The following TAC1 variants were observed in gnomAD, a reference collection of about 807,000 sequenced individuals.
The protein encoded by TAC1 is protachykinin-1.
A neutral mutation model predicts 21.7 loss-of-function variants in TAC1; 12 were observed. The ratio of observed to expected loss-of-function variants is 0.55; its 90% CI spans 0.35 to 0.89. TAC1 has a LOEUF of 0.89. Ranked by LOEUF, TAC1 falls within the 40% of genes least tolerant of loss-of-function variation. The pLI, the probability that TAC1 is intolerant of heterozygous loss-of-function variation, is 0.01. For synonymous variants in TAC1, 52 were observed against 52.0 expected (o/e 1.00, Z 0.00); for missense variants, 128 against 151.4 (o/e 0.85, Z 0.81).
chr7:97,739,600 T>A (rs2115851491), intron 6 of TAC1, among the ~76,000 whole-genome samples: 1 of 152,068 alleles, frequency 6.6e-6, no homozygotes, highest in Middle Eastern at 3.4e-3. Context: ...CTGCTGAGAA[T>A]CAACACTGCA....
chr7:97,732,510 G>A lies in TAC1; in HGVS notation c.-9-94G>A, dbSNP rs1257459137. The A allele has an allele frequency of 1.0e-5, 15 of 1,457,480 alleles. No homozygotes were observed. Among genetic ancestry groups the A allele is most frequent in the African/African-American group, 2.8e-5 (2 of 71,464 alleles). 90.3% of individuals were successfully genotyped at this position (1,457,480 alleles called of 1,614,324 possible). ...TTTGATCTTGGTTCATCCGTTGTGGGGCAGAAAATTCTGTTGCTTTAACTC... is the reference window on the plus strand; with the variant it reads ...TTTGATCTTGGTTCATCCGTTGTGGAGCAGAAAATTCTGTTGCTTTAACTC... On this transcript the variant is annotated intron_variant, in intron 1 of 6. Transcript: ENST00000319273. The surrounding 1 kb of genome is among the most constrained non-coding windows in gnomAD (Gnocchi z 6.2).
In TAC1 at chr7:97,740,116, C is replaced by T. The variant is rs113735261; in HGVS notation, c.*196C>T. The T allele has an allele frequency of 7.3e-3, 2,907 of 396,756 alleles. 21 individuals are homozygous for T. Among genetic ancestry groups the T allele is most frequent in the Non-Finnish European group, 0.011 (2,508 of 222,568 alleles). 24.6% of individuals were successfully genotyped at this position (396,756 alleles called of 1,614,324 possible). A position where few individuals can be genotyped will look rare whatever the true frequency, so the allele number is the denominator to read the frequency against. On this transcript the variant is annotated 3_prime_UTR_variant, in exon 7 of 7. Coordinates refer to ENST00000319273, the MANE Select transcript of TAC1 (RefSeq NM_003182.3). ...GTTTTAATTCCAATATGATGACTCC[C>T]TTAAAATAGAAATAAGTGGTTATTT... is the stretch of plus-strand genomic sequence containing the variant.
chr7:97,734,965 G>T, intron 5 of TAC1, 116 bp downstream of exon 5: 1 of 774,812 alleles, frequency 1.3e-6, no homozygotes, highest in Non-Finnish European at 2.1e-6. Flanking sequence ...TATGTTTAAT[G>T]AAGACAATAT....
chr7:97,733,866 C>G lies in TAC1; in HGVS notation c.220+47C>G, dbSNP rs199513408. 3 of 1,557,596 alleles carry G rather than the reference C, an allele frequency of 1.9e-6. No individual in the cohort carries two copies. In the East Asian group the frequency reaches 6.7e-5, roughly 35 times the overall value. On this transcript the variant is annotated intron_variant, in intron 3 of 6. Transcript: ENST00000319273. ...AGGTGTCTTGGGCAGCCCGCCCTGT[C>G]TGCTCACTCCTTCCTGGAGTACCCC...
At position 97,740,079 on chromosome 7, in the gene TAC1, T is replaced by C. The variant is rs12532490; in HGVS notation, c.*159T>C. The C allele has an allele frequency of 0.19, 97,840 of 507,912 alleles. 9,738 individuals are homozygous for C. Among genetic ancestry groups the C allele is most frequent in the East Asian group, 0.25 (7,775 of 31,272 alleles). 31.5% of individuals were successfully genotyped at this position (507,912 alleles called of 1,614,324 possible). On this transcript the variant is annotated 3_prime_UTR_variant, in exon 7 of 7. Coordinates refer to ENST00000319273, the MANE Select transcript of TAC1 (RefSeq NM_003182.3). ...ATTTTTCATATTGTGCCAATATGTA[T>C]TGTAAACATGTGTTTTAATTCCAAT...
chr7:97,734,742 G>A, intron 4 of TAC1, 84 bp from the exon 5 acceptor site: 1 of 1,035,762 alleles, frequency 9.7e-7, no homozygotes, highest in South Asian at 1.5e-5. Context: ...CATATTTTGA[G>A]AATCAAATTA....
intron 6 of TAC1, among the ~76,000 whole-genome samples, chr7:97,738,747 T>C (rs1237169098): frequency 1.3e-5 from 2 of 151,994 alleles, no homozygotes; most frequent in African/African-American, 4.8e-5. Flanking sequence ...ATCTTCTCAC[T>C]GAGGAAACTG....
Position 97,735,593 on chromosome 7 carries a change from C to T in TAC1, c.290-706C>T, listed in dbSNP as rs1439827372. ...TGGGTGGCAGAGCAGGCCACATTAA[C>T]GTAGCAGCTCTATTCTCAACTATTA... On this transcript the variant is annotated intron_variant, in intron 5 of 6. Transcript: ENST00000319273. 4.6e-5 allele frequency among the ~76,000 whole-genome samples: 7 copies of T among 152,270 alleles called. No homozygotes were observed. In the East Asian group the frequency reaches 5.8e-4, roughly 13 times the overall value.
At chr7:97,739,565 G>C (rs1263116454) in intron 6 of TAC1, among the ~76,000 whole-genome samples, 1 of 151,968 alleles carries the variant, frequency 6.6e-6, no homozygotes, top group African/African-American at 2.4e-5. Context: ...AATTCACTAT[G>C]GGTATCTGCC....
chr7:97,734,407 G>A, intron 4 of TAC1, 115 bp downstream of exon 4: 1 of 889,546 alleles, frequency 1.1e-6, no homozygotes, highest in Admixed American at 2.4e-5. Flanking sequence ...TTAATAAAGA[G>A]ATGGATTTGC....
chr7:97,739,857 C>A lies in TAC1; in HGVS notation c.344-17C>A. On this transcript the variant is annotated splice_polypyrimidine_tract_variant and intron_variant, in intron 6 of 6. Transcript: ENST00000319273. ...TGAATTCACTTAAAAAACACTTTAT[C>A]TCTTCTTTGTTTTCAGTGGCTTATG... 6.3e-7 allele frequency: 1 copy of A among 1,598,846 alleles called. No homozygotes were observed. Among genetic ancestry groups the A allele is most frequent in the African/African-American group, 1.3e-5 (1 of 74,378 alleles).
chr7:97,739,866 G>C lies in TAC1; in HGVS notation c.344-8G>C, dbSNP rs1789664093. The C allele has an allele frequency of 1.2e-6, 2 of 1,602,130 alleles. No homozygotes were observed. Among genetic ancestry groups the C allele is most frequent in the Non-Finnish European group, 1.7e-6 (2 of 1,174,634 alleles). On this transcript the variant is annotated splice_polypyrimidine_tract_variant and splice_region_variant and intron_variant, in intron 6 of 6. Transcript: ENST00000319273. ...TTAAAAAACACTTTATCTCTTCTTTGTTTTCAGTGGCTTATGAAAGGAGTG... is the reference window on the plus strand; with the variant it reads ...TTAAAAAACACTTTATCTCTTCTTTCTTTTCAGTGGCTTATGAAAGGAGTG...
At position 97,736,373 on chromosome 7, in the gene TAC1, G is replaced by T. The variant is rs200093351; in HGVS notation, c.343+21G>T. On this transcript the variant is annotated intron_variant, in intron 6 of 6. Coordinates refer to ENST00000319273, the MANE Select transcript of TAC1 (RefSeq NM_003182.3). ...TTCTGGTATGTATGAAATTATGACT[G>T]AAAATAGACAGTATCTCAAATCTAT... 1.8e-5 allele frequency: 29 copies of T among 1,585,142 alleles called. 2 individuals carry two copies. In the South Asian group the frequency reaches 3.3e-4, roughly 18 times the overall value.
chr7:97,738,827 ATT>A (rs1364360426), intron 6 of TAC1, among the ~76,000 whole-genome samples: 6 of 152,006 alleles, frequency 3.9e-5, no homozygotes, highest in Admixed American at 6.6e-5. Flanking sequence ...TACATTCAGT[ATT>A]TTATACAGGC....
rs755474751 is a variant in TAC1 at position 97,733,706 on chromosome 7, G to A, written c.124-17G>A. 5.6e-6 allele frequency: 9 copies of A among 1,613,636 alleles called. No individual in the cohort carries two copies. Among genetic ancestry groups the A allele is most frequent in the Non-Finnish European group, 7.6e-6 (9 of 1,179,738 alleles). On this transcript the variant is annotated splice_polypyrimidine_tract_variant and intron_variant, in intron 2 of 6. Coordinates refer to ENST00000319273, the MANE Select transcript of TAC1 (RefSeq NM_003182.3). ...TGGTTGCCTTACACGCCCTTTGTCC[G>A]TGCTTTTGTCTCCCAGGAGGAACTG...
At position 97,733,013 on chromosome 7, in the gene TAC1, G is replaced by A. The variant is rs2115829142; in HGVS notation, c.123+278G>A. On this transcript the variant is annotated intron_variant, in intron 2 of 6. Coordinates refer to ENST00000319273, the MANE Select transcript of TAC1 (RefSeq NM_003182.3). Reference sequence around the variant, plus strand: ...GATGAGCCCGAGATCCTCACAAGGCGGGAAATCTCGTAAGATTTCATCCCC... The same window carrying A: ...GATGAGCCCGAGATCCTCACAAGGCAGGAAATCTCGTAAGATTTCATCCCC... The A allele has an allele frequency of 1.1e-5, 4 of 356,922 alleles. No individual in the cohort carries two copies. The Middle Eastern group carries it at 2.6e-3, about 230-fold the overall frequency. The allele number at this position is 356,922 out of a possible 1,614,324, so 22.1% of individuals were successfully genotyped here.
rs1280737671 is a variant in TAC1, at chr7:97,736,289, A to AT, written c.290-5dup. The AT allele has an allele frequency of 3.1e-6, 5 of 1,608,662 alleles. No individual in the cohort carries two copies. In the South Asian group the frequency reaches 4.4e-5, roughly 14 times the overall value. On this transcript the variant is annotated splice_polypyrimidine_tract_variant and intron_variant, in intron 5 of 6. Coordinates refer to ENST00000319273, the MANE Select transcript of TAC1 (RefSeq NM_003182.3). ...TACATATTAAAATACCCCTAAATGT[A>AT]TTTTTCCAGGACATAAAACAGATTC...
At chr7:97,733,588 C>G in intron 2 of TAC1, 135 bp from the exon 3 acceptor site, 1 of 744,584 alleles carries the variant, frequency 1.3e-6, no homozygotes, top group Middle Eastern at 4.0e-4. Context: ...GGGAGGGACC[C>G]CGCTCAGCCC....
chr7:97,732,769 C>T lies in TAC1; in HGVS notation c.123+34C>T. 1 of 1,599,972 alleles carries T rather than the reference C, an allele frequency of 6.3e-7. No homozygotes were observed. Among genetic ancestry groups the T allele is most frequent in the East Asian group, 2.2e-5 (1 of 44,632 alleles). Reference sequence around the variant, plus strand: ...CCTTCCCAGGACGGCCCGCACCCTTCTTCCTGGGCTCGGGAGCTGTCACCT... The same window carrying T: ...CCTTCCCAGGACGGCCCGCACCCTTTTTCCTGGGCTCGGGAGCTGTCACCT... On this transcript the variant is annotated intron_variant, in intron 2 of 6. Coordinates refer to ENST00000319273, the MANE Select transcript of TAC1 (RefSeq NM_003182.3). The surrounding 1 kb of genome is among the most constrained non-coding windows in gnomAD (Gnocchi z 6.2).
Sources: allele counts gnomAD v4.1 joint callset (sites outside exome capture counted in the v4.1 genomes callset), GRCh38; gene constraint gnomAD v4.1.1; non-coding constraint Gnocchi (gnomAD v3.1); transcripts MANE v1.5; gene names NCBI Gene and HGNC (gene_info 2026-07-23, HGNC 2026-07-21).